The following SHC4 variants were observed in gnomAD, a reference collection of about 807,000 sequenced individuals.
The protein encoded by SHC4 is SHC adaptor protein 4.
In SHC4, 41 loss-of-function variants were observed where a neutral mutation model predicts 69.4. The ratio of observed to expected loss-of-function variants is 0.59; its 90% CI spans 0.46 to 0.77. The LOEUF (loss-of-function observed/expected upper bound fraction) is 0.77. SHC4 is among the 30% of genes least tolerant of loss of function. SHC4 has a pLI of 0.00. For synonymous variants in SHC4, 318 were observed against 299.3 expected (o/e 1.06, Z -0.64); for missense variants, 777 against 783.8 (o/e 0.99, Z 0.10).
chr15:48,911,660 C>T (rs967870185), intron 2 of SHC4, among the ~76,000 whole-genome samples: 1 of 151,868 alleles, frequency 6.6e-6, no homozygotes, highest in African/African-American at 2.4e-5. Context: ...GTTGTTTTTG[C>T]TTTTTAACTT....
chr15:48,915,650 G>A (rs897450828), intron 2 of SHC4, among the ~76,000 whole-genome samples: 1 of 152,220 alleles, frequency 6.6e-6, no homozygotes, highest in African/African-American at 2.4e-5. Flanking sequence ...CTAATCAGCT[G>A]ATAATGGCCA....
chr15:48,961,400 G>T (rs928979532), intron 1 of SHC4, among the ~76,000 whole-genome samples: 2 of 152,080 alleles, frequency 1.3e-5, no homozygotes, highest in East Asian at 3.9e-4. Context: ...AGTACTACAA[G>T]CCACCCCCTC....
chr15:48,955,044 T>C (rs1269188485), intron 1 of SHC4, among the ~76,000 whole-genome samples: 1 of 152,176 alleles, frequency 6.6e-6, no homozygotes, highest in Non-Finnish European at 1.5e-5. Flanking sequence ...AAAAACTCTT[T>C]GCAACATTGT....
intron 5 of SHC4, among the ~76,000 whole-genome samples, chr15:48,871,270 A>T (rs1190235379): frequency 1.3e-5 from 2 of 152,248 alleles, no homozygotes; most frequent in Non-Finnish European, 2.9e-5. Context: ...TTTAACCATT[A>T]TGAAAGTCAT....
chr15:48,886,676 T>C (rs918353740), intron 3 of SHC4, among the ~76,000 whole-genome samples: 4 of 152,218 alleles, frequency 2.6e-5, no homozygotes, highest in Admixed American at 2.0e-4. Flanking sequence ...GAGAATCAAA[T>C]TTAGTATTAA....
At position 48,832,037 on chromosome 15, in the gene SHC4, A is replaced by G. The variant is rs546800019; in HGVS notation, c.1737+2732T>C. 4.6e-5 allele frequency among the ~76,000 whole-genome samples: 7 copies of G among 152,332 alleles called. No individual in the cohort carries two copies. The South Asian group carries it at 1.4e-3, about 32-fold the overall frequency. ...TATAATCCCAGCACTTTGGGAGGCC[A>G]AGGCAGGTGGATAAACTGAGGTCTG... On this transcript the variant is annotated intron_variant, in intron 11 of 11. Transcript: ENST00000332408.
rs1470569520 is a variant in SHC4, at chr15:48,905,619, TGAA to T, written c.657-14811_657-14809del. Among the ~76,000 whole-genome samples the T allele has an allele frequency of 5.9e-5, 9 of 152,250 alleles. 1 individual carries two copies. Among genetic ancestry groups the T allele is most frequent in the Admixed American group, 5.9e-4 (9 of 15,282 alleles). On this transcript the variant is annotated intron_variant, in intron 2 of 11. Coordinates refer to ENST00000332408, the MANE Select transcript of SHC4 (RefSeq NM_203349.4). ...TGTATTTTCATCTGACTCTGCATGATGAAGAAGGCCTGGGAAGAAATCACTGGA... is the reference window on the plus strand; with the variant it reads ...TGTATTTTCATCTGACTCTGCATGATGAAGGCCTGGGAAGAAATCACTGGA...
chr15:48,847,765 G>A (rs1384260008), intron 9 of SHC4, among the ~76,000 whole-genome samples: 1 of 152,052 alleles, frequency 6.6e-6, no homozygotes, highest in African/African-American at 2.4e-5. Flanking sequence ...CACTTTGGGA[G>A]GCCAAGGCGG....
At chr15:48,951,785 G>T (rs561048143) in intron 1 of SHC4, among the ~76,000 whole-genome samples, 1 of 152,280 alleles carries the variant, frequency 6.6e-6, no homozygotes, top group African/African-American at 2.4e-5. Flanking sequence ...TGGAAGGTGT[G>T]CCCTTTCTTC....
intron 8 of SHC4, 34 bp downstream of exon 8, chr15:48,855,919 T>C (rs746283158): frequency 5.1e-6 from 8 of 1,581,302 alleles, no homozygotes; most frequent in South Asian, 1.2e-5. Flanking sequence ...CAGAATTGCA[T>C]TGCTGGTTCC....
chr15:48,876,857 A>G, intron 4 of SHC4: 1 of 273,700 alleles, frequency 3.7e-6, no homozygotes, highest in East Asian at 7.2e-5. Context: ...CCAATGATCA[A>G]TACTTGTATC....
At chr15:48,899,477 A>G (rs1049089055) in intron 2 of SHC4, among the ~76,000 whole-genome samples, 1 of 152,200 alleles carries the variant, frequency 6.6e-6, no homozygotes, top group Admixed American at 6.5e-5. Flanking sequence ...ATAAATAAAT[A>G]AATGAATAAA....
chr15:48,844,389 G>A (rs1691194291), intron 9 of SHC4, among the ~76,000 whole-genome samples: 1 of 152,130 alleles, frequency 6.6e-6, no homozygotes, highest in Non-Finnish European at 1.5e-5. Flanking sequence ...TGTCTACCCA[G>A]CTACCCTTCT....
At position 48,963,476 on chromosome 15, in the gene SHC4, G is replaced by A. The variant is rs1431885464; in HGVS notation, c.-461C>T. The A allele has an allele frequency of 1.2e-5, 2 of 164,784 alleles. No individual in the cohort carries two copies. Among genetic ancestry groups the A allele is most frequent in the Non-Finnish European group, 2.6e-5 (2 of 76,572 alleles). The allele number at this position is 164,784 out of a possible 1,614,324, so 10.2% of individuals were successfully genotyped here. A position where few individuals can be genotyped will look rare whatever the true frequency, so the allele number is the denominator to read the frequency against. ...AGGAACTTTCGAACCTGCTCCCTTC[G>A]GCTCTCACAGGGCGGGGCAAATGAC... On this transcript the variant is annotated 5_prime_UTR_variant, in exon 1 of 12. Coordinates refer to ENST00000332408, the MANE Select transcript of SHC4 (RefSeq NM_203349.4).
At chr15:48,854,017 T>C (rs1168003488) in intron 8 of SHC4, among the ~76,000 whole-genome samples, 1 of 152,056 alleles carries the variant, frequency 6.6e-6, no homozygotes, top group African/African-American at 2.4e-5. Flanking sequence ...CAAAAGAAAC[T>C]ATCAACAGAG....
chr15:48,841,371 G>T (rs969621553), intron 10 of SHC4, among the ~76,000 whole-genome samples: 1 of 152,176 alleles, frequency 6.6e-6, no homozygotes, highest in Non-Finnish European at 1.5e-5. Flanking sequence ...ATCTGAATTT[G>T]TTTCACATCT....
chr15:48,954,892 T>C (rs2141041365), intron 1 of SHC4, among the ~76,000 whole-genome samples: 1 of 152,358 alleles, frequency 6.6e-6, no homozygotes, highest in East Asian at 1.9e-4. Context: ...TCCCTAACTG[T>C]ATGAGAAGGC....
rs144468994 is a variant in SHC4, at chr15:48,939,212, C to T, written c.586-14263G>A. On this transcript the variant is annotated intron_variant, in intron 1 of 11. Coordinates refer to ENST00000332408, the MANE Select transcript of SHC4 (RefSeq NM_203349.4). ...TGCAGGGACCTTAATCAATGGCGCT[C>T]CATAGGAGTGTGATGAGCACTGGGA... 4.7e-3 allele frequency among the ~76,000 whole-genome samples: 714 copies of T among 152,252 alleles called. 4 individuals are homozygous for T. Among genetic ancestry groups the T allele is most frequent in the Middle Eastern group, 0.01 (3 of 294 alleles).
intron 6 of SHC4, among the ~76,000 whole-genome samples, chr15:48,858,950 C>T (rs1166113338): frequency 6.6e-6 from 1 of 152,100 alleles, no homozygotes; most frequent in Non-Finnish European, 1.5e-5. Flanking sequence ...GATTAAATAC[C>T]AGGGAAAGTA....
Sources: allele counts gnomAD v4.1 joint callset (sites outside exome capture counted in the v4.1 genomes callset), GRCh38; gene constraint gnomAD v4.1.1; transcripts MANE v1.5; gene names NCBI Gene and HGNC (gene_info 2026-07-23, HGNC 2026-07-21).